Variants in SZT2 observed in about 807,000 individuals in gnomAD.
SZT2 encodes the protein SZT2 subunit of KICSTOR complex, also known as KICSTOR complex protein SZT2.
SZT2 carries 216 observed loss-of-function variants against 404.2 expected under a neutral mutation model. That is an observed-to-expected ratio of 0.53 (90% CI 0.48 to 0.60). The LOEUF is 0.60. Ranked by LOEUF, SZT2 falls within the 20% of genes least tolerant of loss-of-function variation. The probability of loss-of-function intolerance (pLI) is 0.00; values close to 1 mark genes in which losing one functional copy is unlikely to be tolerated. For missense variants in SZT2, 3,857 were observed against 4,459.2 expected (o/e 0.86, Z 3.85); for synonymous variants, 1,693 against 1,749.9 (o/e 0.97, Z 0.81).
intron 4 of SZT2, among the ~76,000 whole-genome samples, chr1:43,407,178 G>A (rs1650415032): frequency 6.6e-6 from 1 of 152,150 alleles, no homozygotes; most frequent in Non-Finnish European, 1.5e-5. Flanking sequence ...GCCGCCCTGA[G>A]CCAGCCTTTT....
Position 43,426,372 on chromosome 1 carries a change from A to G in SZT2, c.3048A>G (p.Pro1016=), listed in dbSNP as rs2153933207. Residue 1016 remains proline (P), a synonymous_variant, in exon 22 of 72, where the codon CCA becomes CCG. Transcript: ENST00000634258. The surrounding 1 kb of genome is among the most constrained non-coding windows in gnomAD (Gnocchi z 4.9). ...AGCAGAGTGTGTGTCGGGCAGAGCC[A>G]GAGGGTGTCCCTTTCGCCGAGGGGT... is the stretch of plus-strand genomic sequence containing the variant. The part of the protein sequence containing the change: ...QMFFLLLARE[P]EGVPFAEGSC... 4 of 1,553,912 alleles carry G rather than the reference A, an allele frequency of 2.6e-6. No individual in the cohort carries two copies. Among genetic ancestry groups the G allele is most frequent in the Non-Finnish European group, 2.6e-6 (3 of 1,154,280 alleles).
rs1230416935 is a variant in SZT2, at chr1:43,452,471, A to G, written c.*1991A>G. 5.6e-6 allele frequency: 4 copies of G among 719,574 alleles called. No homozygotes were observed. Among genetic ancestry groups the G allele is most frequent in the Non-Finnish European group, 1.0e-5 (4 of 390,650 alleles). The allele number at this position is 719,574 out of a possible 1,614,324, so 44.6% of individuals were successfully genotyped here. ...TGCCCAGGTATCCCAGCACTTTCAG[A>G]GACACTTCAGTGATGGCTGAGGGGC... On this transcript the variant is annotated 3_prime_UTR_variant, in exon 72 of 72. Transcript: ENST00000634258.
intron 42 of SZT2, chr1:43,436,045 A>G (rs1051775401): frequency 3.9e-5 from 6 of 152,198 alleles, no homozygotes; most frequent in Admixed American, 6.5e-5. Flanking sequence ...ATTTCTAGTC[A>G]TGGTAAGGGA....
At chr1:43,398,252 A>G (rs1425057881) in intron 1 of SZT2, among the ~76,000 whole-genome samples, 1 of 152,248 alleles carries the variant, frequency 6.6e-6, no homozygotes, top group African/African-American at 2.4e-5. Flanking sequence ...TGCCGTGCTT[A>G]GAACATATAG....
At chr1:43,415,914 A>G in intron 5 of SZT2, 46 bp from the exon 6 acceptor site, 1 of 1,564,756 alleles carries the variant, frequency 6.4e-7, no homozygotes, top group East Asian at 2.3e-5. Flanking sequence ...TGGATGGGGC[A>G]GCAATGCCAT....
At chr1:43,416,192 CAG>C (rs770549967) in intron 6 of SZT2, 91 bp downstream of exon 6, 6 of 1,466,704 alleles carry the variant, frequency 4.1e-6, no homozygotes, top group Non-Finnish European at 4.6e-6. Flanking sequence ...TCCAGGGAAT[CAG>C]TGGGCCCCAG....
chr1:43,409,799 T>C (rs535047886), intron 4 of SZT2: 1 of 168,064 alleles, frequency 6.0e-6, no homozygotes, highest in Non-Finnish European at 1.3e-5. Flanking sequence ...TGTTCATGGA[T>C]TGGAAGAATC....
At position 43,441,145 on chromosome 1, in the gene SZT2, C is replaced by A; in HGVS notation, c.7345-69C>A. On this transcript the variant is annotated intron_variant, in intron 52 of 71. Transcript: ENST00000634258. This position sits in a 1 kb window ranked among gnomAD's most constrained non-coding sequence, Gnocchi z 4.8. ...TGAATCCTCCTAGCTCACTGCTGTT[C>A]CATAGTGCCCCCATCCCACACCTTT... 1 of 1,558,772 alleles carries A rather than the reference C, an allele frequency of 6.4e-7. No individual in the cohort carries two copies. Among genetic ancestry groups the A allele is most frequent in the South Asian group, 1.2e-5 (1 of 83,210 alleles).
intron 1 of SZT2, among the ~76,000 whole-genome samples, chr1:43,399,817 T>C (rs1388352776): frequency 6.6e-6 from 1 of 152,088 alleles, no homozygotes; most frequent in African/African-American, 2.4e-5. Flanking sequence ...GGAATTCCTT[T>C]AGTAGCTTAA....
At chr1:43,445,685 C>T (rs531123984) in intron 62 of SZT2, 4 of 619,926 alleles carry the variant, frequency 6.5e-6, no homozygotes, top group Non-Finnish European at 1.2e-5. Context: ...GTTTTTGCCT[C>T]CCTTGAAGCA....
At chr1:43,421,437 AC>A in intron 11 of SZT2, 134 bp downstream of exon 11, 1 of 1,273,938 alleles carries the variant, frequency 7.8e-7, no homozygotes. Flanking sequence ...CCAAGCTTTA[AC>A]CTTGAGAGCT....
chr1:43,439,147 C>T lies in SZT2; in HGVS notation c.6792+54C>T, dbSNP rs1281575499. On this transcript the variant is annotated intron_variant, in intron 48 of 71. Transcript: ENST00000634258. This position sits in a 1 kb window ranked among gnomAD's most constrained non-coding sequence, Gnocchi z 4.2. ...TCATGTGCACCCCTGCCCCCTGCCC[C>T]ACGCACTTACTCTTTCCTACCGATA... is the stretch of plus-strand genomic sequence containing the variant. The T allele has an allele frequency of 1.2e-6, 2 of 1,608,550 alleles. No individual in the cohort carries two copies. The highest frequency in any genetic ancestry group is 1.7e-5 in the Admixed American group (1 of 59,894).
intron 7 of SZT2, among the ~76,000 whole-genome samples, chr1:43,417,988 A>G (rs761485023): frequency 6.6e-6 from 1 of 152,186 alleles, no homozygotes; most frequent in Admixed American, 6.5e-5. Context: ...TGCTTCTCAC[A>G]ATGGTAACTA....
chr1:43,443,011 C>A lies in SZT2; in HGVS notation c.8344C>A (p.Pro2782Thr). 6.2e-7 allele frequency: 1 copy of A among 1,614,116 alleles called. No homozygotes were observed. The highest frequency in any genetic ancestry group is 8.5e-7 in the Non-Finnish European group (1 of 1,179,996). ...TGCCCGCCCCAGCTCCGTACTTGGT[C>A]CTGTGCCCAGACCTCCTGATCCTGT... Reference protein sequence around the residue: ...TAARPSSVLGPVPRPPDPVTY... With the variant: ...TAARPSSVLGTVPRPPDPVTY... The change falls in exon 59 of 72, where the codon CCT (proline) becomes ACT (threonine). Residue 2782 changes from proline (P) to threonine (T), a missense_variant. Transcript: ENST00000634258.
At position 43,425,377 on chromosome 1, in the gene SZT2, G is replaced by T; in HGVS notation, c.2646-97G>T. ...ACGCTGGTCTGGGAAGGCCTTGTATGACTCGTGGCTGTCCTCTGTGCCTGC... is the reference window on the plus strand; with the variant it reads ...ACGCTGGTCTGGGAAGGCCTTGTATTACTCGTGGCTGTCCTCTGTGCCTGC... On this transcript the variant is annotated intron_variant, in intron 18 of 71. Coordinates refer to ENST00000634258, the MANE Select transcript of SZT2 (RefSeq NM_001365999.1). This position sits in a 1 kb window ranked among gnomAD's most constrained non-coding sequence, Gnocchi z 4.3. 1 of 1,558,860 alleles carries T rather than the reference G, an allele frequency of 6.4e-7. No individual in the cohort carries two copies. Among genetic ancestry groups the T allele is most frequent in the South Asian group, 1.2e-5 (1 of 83,602 alleles).
chr1:43,419,976 G>A (rs1652147064), intron 8 of SZT2, 32 bp downstream of exon 8: 1 of 1,596,736 alleles, frequency 6.3e-7, no homozygotes, highest in African/African-American at 1.3e-5. Flanking sequence ...GTGTGGGAAG[G>A]AGGGAATATA....
intron 4 of SZT2, among the ~76,000 whole-genome samples, chr1:43,413,168 G>A (rs962439220): frequency 5.9e-5 from 9 of 152,140 alleles, no homozygotes; most frequent in South Asian, 2.1e-4. Flanking sequence ...TTGGGAGGCC[G>A]AGGTGGGAGT....
intron 40 of SZT2, among the ~76,000 whole-genome samples, chr1:43,433,618 TTAAAAA>T (rs1654163242): frequency 6.6e-6 from 1 of 152,050 alleles, no homozygotes; most frequent in African/African-American, 2.4e-5. Context: ...CCCGTCTCCA[TTAAAAA>T]TACAAAAATT....
chr1:43,449,991 G>GC (rs1656190245), intron 70 of SZT2, 112 bp from the exon 71 acceptor site: 1 of 1,278,792 alleles, frequency 7.8e-7, no homozygotes, highest in Non-Finnish European at 1.1e-6. Flanking sequence ...CAGGGTGCAG[G>GC]CGGGGTGAGG....
Sources: allele counts gnomAD v4.1 joint callset (sites outside exome capture counted in the v4.1 genomes callset), GRCh38; gene constraint gnomAD v4.1.1; non-coding constraint Gnocchi (gnomAD v3.1); transcripts MANE v1.5; gene names NCBI Gene and HGNC (gene_info 2026-07-23, HGNC 2026-07-21).